The following NT5C variants were observed in gnomAD, a reference collection of about 807,000 sequenced individuals.
NT5C encodes 5', 3'-nucleotidase, cytosolic.
A neutral mutation model predicts 17.6 loss-of-function variants in NT5C; 14 were observed. The observed-to-expected ratio is 0.79, with a 90% confidence interval of 0.52 to 1.24. The LOEUF (loss-of-function observed/expected upper bound fraction) is 1.24. Ranked by LOEUF, NT5C falls within the 50% of genes most tolerant of loss-of-function variation. NT5C has a pLI of 0.00. For synonymous variants in NT5C, 153 were observed against 119.2 expected, an observed-to-expected ratio of 1.28 and a Z score of -1.85; for missense variants, 328 against 278.3, an observed-to-expected ratio of 1.18 and a Z score of -1.27.
Position 75,130,495 on chromosome 17 carries a change from C to G in NT5C, c.599G>C (p.Arg200Pro), listed in dbSNP as rs748695335. ...TGCCCGCGGCATCCCCGCTCATTCC[C>G]GCTGCGCAGCTCCGCGCTTGCTATC... The part of the protein sequence containing the change: ...ILDSKRGAAQ[R>P]E Residue 200 changes from arginine (R) to proline (P), a missense_variant, in exon 5 of 5, where the codon CGG becomes CCG. Physicochemically the swap from Arg to Pro is moderately radical, Grantham distance 103. Coordinates refer to ENST00000245552, the MANE Select transcript of NT5C (RefSeq NM_014595.3). 17 of 1,613,902 alleles carry G rather than the reference C, an allele frequency of 1.1e-5. No individual in the cohort carries two copies. The highest frequency in any genetic ancestry group is 1.4e-5 in the Non-Finnish European group (17 of 1,179,974).
intron 1 of NT5C, 27 bp from the exon 2 acceptor site, chr17:75,131,308 G>A: frequency 1.9e-6 from 3 of 1,607,820 alleles, no homozygotes; most frequent in Non-Finnish European, 2.6e-6. Flanking sequence ...CTGGGTCCCG[G>A]CTTCCCGTTC....
intron 3 of NT5C, 57 bp from the exon 4 acceptor site, chr17:75,130,924 A>G: frequency 4.3e-6 from 7 of 1,612,986 alleles, no homozygotes; most frequent in East Asian, 4.5e-5. Context: ...ATTCAGGGAT[A>G]GGGACTTGGC....
rs970607988 is a variant in NT5C, at chr17:75,131,334, G to A, written c.175-53C>T. 1.2e-5 allele frequency: 19 copies of A among 1,583,072 alleles called. No homozygotes were observed. In the East Asian group the frequency reaches 3.9e-4, roughly 32 times the overall value. ...CTTCCCGTTCCCGCGAGGACCCGCA[G>A]GGAGGCTCCTGGGGGCTCCGGGCCC... On this transcript the variant is annotated intron_variant, in intron 1 of 4. Transcript: ENST00000245552.
At chr17:75,130,939 A>G in intron 3 of NT5C, 72 bp from the exon 4 acceptor site, 1 of 1,608,626 alleles carries the variant, frequency 6.2e-7, no homozygotes, top group Non-Finnish European at 8.5e-7. Flanking sequence ...CTTGGCTCTA[A>G]GCCCTTGAGA....
intron 2 of NT5C, 30 bp from the exon 3 acceptor site, chr17:75,131,135 A>G (rs1401457966): frequency 2.5e-6 from 4 of 1,612,550 alleles, no homozygotes; most frequent in Non-Finnish European, 3.4e-6. Flanking sequence ...TACCGCCGGG[A>G]GCCAGGAGCC....
At position 75,130,372 on chromosome 17, in the gene NT5C, TGCTCCACTCCACGGGGCCAGAG is replaced by T; in HGVS notation, c.*94_*115del. 1 of 1,325,696 alleles carries T rather than the reference TGCTCCACTCCACGGGGCCAGAG, an allele frequency of 7.5e-7. No individual in the cohort carries two copies. The highest frequency in any genetic ancestry group is 1.0e-6 in the Non-Finnish European group (1 of 953,874). 82.1% of individuals were successfully genotyped at this position (1,325,696 alleles called of 1,614,324 possible). A position where few individuals can be genotyped will look rare whatever the true frequency, so the allele number is the denominator to read the frequency against. The stretch of plus-strand genomic sequence containing the variant: ...AGCACAGCGCTTAACGGTATCTGCC[TGCTCCACTCCACGGGGCCAGAG>T]GCACCAGCACGATGCCGCCCCGACT... On this transcript the variant is annotated 3_prime_UTR_variant, in exon 5 of 5. Transcript: ENST00000245552.
intron 1 of NT5C, 49 bp from the exon 2 acceptor site, chr17:75,131,330 C>G (rs755430577): frequency 7.6e-6 from 12 of 1,584,208 alleles, no homozygotes; most frequent in Non-Finnish European, 9.5e-6. Context: ...CGCGAGGACC[C>G]GCAGGGAGGC....
At position 75,131,180 on chromosome 17, in the gene NT5C, C is replaced by T. The variant is rs1403324740; in HGVS notation, c.275+1G>A. ...CTCCGCCCGCCCCCCTCTCTCCTTA[C>T]TCCGGTAGGTCGTTCATCTCCCGCA... On this transcript the variant is annotated splice_donor_variant, in intron 2 of 4. Coordinates refer to ENST00000245552, the MANE Select transcript of NT5C (RefSeq NM_014595.3). LOFTEE classifies it high-confidence loss of function. 3.8e-5 allele frequency: 61 copies of T among 1,613,526 alleles called. No individual in the cohort carries two copies. The highest frequency in any genetic ancestry group is 5.1e-5 in the Non-Finnish European group (60 of 1,179,978).
Position 75,130,451 on chromosome 17 carries a change from T to C in NT5C, c.*37A>G, listed in dbSNP as rs2074097725. The stretch of plus-strand genomic sequence containing the variant: ...TGCGGTGGCCCCTGTGGGCCTGCCC[T>C]TCCTTTAGCTCCAGCTGCTGCCCGC... On this transcript the variant is annotated 3_prime_UTR_variant, in exon 5 of 5. Coordinates refer to ENST00000245552, the MANE Select transcript of NT5C (RefSeq NM_014595.3). 6.2e-7 allele frequency: 1 copy of C among 1,609,936 alleles called. No homozygotes were observed.
chr17:75,131,186 T>C lies in NT5C; in HGVS notation c.270A>G (p.Leu90=). The C allele has an allele frequency of 6.2e-7, 1 of 1,613,468 alleles. No individual in the cohort carries two copies. The highest frequency in any genetic ancestry group is 1.1e-5 in the South Asian group (1 of 91,062). Residue 90 remains leucine, a synonymous_variant, in exon 2 of 5, where the codon CTA becomes CTG. Coordinates refer to ENST00000245552, the MANE Select transcript of NT5C (RefSeq NM_014595.3). ...CCGCCCCCCTCTCTCCTTACTCCGG[T>C]AGGTCGTTCATCTCCCGCACAGCGT... ...ALDAVREMND[L]PDTQVFICTS...
Position 75,131,715 on chromosome 17 carries a change from G to C in NT5C, c.-8C>G. 6 of 1,274,626 alleles carry C rather than the reference G, an allele frequency of 4.7e-6. No homozygotes were observed. Among genetic ancestry groups the C allele is most frequent in the Non-Finnish European group, 5.9e-6 (6 of 1,011,246 alleles). The allele number at this position is 1,274,626 out of a possible 1,614,324, so 79.0% of individuals were successfully genotyped here. ...GCGCACGCTCCGCGCCATCGCCGCC[G>C]GGCCGGAGCTGCGAGCTCTCGGGGT... On this transcript the variant is annotated 5_prime_UTR_variant, in exon 1 of 5. Transcript: ENST00000245552.
rs759024704 is a variant in NT5C at position 75,131,072 on chromosome 17, C to T, written c.309G>A (p.Leu103=). The change falls in exon 3 of 5, where the codon CTG becomes CTA. Residue 103 remains leucine, a synonymous_variant. Transcript: ENST00000245552. The stretch of plus-strand genomic sequence containing the variant: ...TCTCACCCACACAGTGGTGGTACTT[C>T]AGCAGGGGGCTGGTGCAGATGAAGA... ...TQVFICTSPL[L]KYHHCVGEKY... is the part of the protein sequence containing the mutation. 8.8e-5 allele frequency: 142 copies of T among 1,612,986 alleles called. No homozygotes were observed. The Admixed American group carries it at 2.4e-3, about 27-fold the overall frequency.
rs752498533 is a variant in NT5C, at chr17:75,131,293, GA to G, written c.175-13del. On this transcript the variant is annotated splice_polypyrimidine_tract_variant and intron_variant, in intron 1 of 4. Transcript: ENST00000245552. Reference sequence around the variant, plus strand: ...CTGGCCACTTTATCCTGAAAGACAAGAGTTCTGGGTCCCGGCTTCCCGTTCC... The same window carrying G: ...CTGGCCACTTTATCCTGAAAGACAAGGTTCTGGGTCCCGGCTTCCCGTTCC... 6.2e-7 allele frequency: 1 copy of G among 1,612,844 alleles called. No individual in the cohort carries two copies. Among genetic ancestry groups the G allele is most frequent in the South Asian group, 1.1e-5 (1 of 91,020 alleles).
chr17:75,131,341 TC>T, intron 1 of NT5C, 60 bp from the exon 2 acceptor site: 1 of 1,547,096 alleles, frequency 6.5e-7, no homozygotes, highest in African/African-American at 1.4e-5. Flanking sequence ...GCAGGGAGGC[TC>T]CTGGGGGCTC....
chr17:75,130,337 G>A lies in NT5C; in HGVS notation c.*151C>T, dbSNP rs2074095917. On this transcript the variant is annotated 3_prime_UTR_variant, in exon 5 of 5. Transcript: ENST00000245552. ...CGGGAGGTACCGGGTGGCTGGGCCT[G>A]GGGCCCGGTAGCACAGCGCTTAACG... 1.0e-6 allele frequency: 1 copy of A among 998,696 alleles called. No homozygotes were observed. The highest frequency in any genetic ancestry group is 2.5e-5 in the East Asian group (1 of 40,782). The allele number at this position is 998,696 out of a possible 1,614,324, so 61.9% of individuals were successfully genotyped here.
rs201950958 is a variant in NT5C at position 75,131,663 on chromosome 17, C to T, written c.45G>A (p.Leu15=). ...GCAGGAGGCCGGCCTCGAAGTCGGC[C>T]AGGACGCCGTCCATGTCCACCAGCA... The part of the protein sequence containing the change: ...VRVLVDMDGV[L]ADFEAGLLRG... Residue 15 remains leucine, a synonymous_variant, in exon 1 of 5, where the codon CTG becomes CTA. Transcript: ENST00000245552. The T allele has an allele frequency of 2.3e-3, 3,126 of 1,342,134 alleles. 7 individuals carry two copies. Among genetic ancestry groups the T allele is most frequent in the Non-Finnish European group, 2.6e-3 (2,688 of 1,051,318 alleles). 83.1% of individuals were successfully genotyped at this position (1,342,134 alleles called of 1,614,324 possible). A position where few individuals can be genotyped will look rare whatever the true frequency, so the allele number is the denominator to read the frequency against.
Position 75,130,684 on chromosome 17 carries a change from A to T in NT5C, c.452-42T>A, listed in dbSNP as rs774240453. ...CAGCGCGCTGCCATCTGTCATGGGT[A>T]TTATTACTCCCTCTCCCTAATCCGG... is the stretch of plus-strand genomic sequence containing the variant. On this transcript the variant is annotated intron_variant, in intron 4 of 4. Transcript: ENST00000245552. 5 of 1,613,834 alleles carry T rather than the reference A, an allele frequency of 3.1e-6. No individual in the cohort carries two copies. In the East Asian group the frequency reaches 1.1e-4, roughly 36 times the overall value.
In NT5C at chr17:75,130,832, G is replaced by C; in HGVS notation, c.372C>G (p.Phe124Leu). ...RWVEQHLGPQ[F>L]VERIILTRDK... ...CCCTTGTCAGGATAATTCGTTCTAC[G>C]AACTGGGGCCCCAGGTGCTGCTCCA... The change falls in exon 4 of 5, where the codon TTC becomes TTG. Residue 124 changes from phenylalanine to leucine, a missense_variant. Coordinates refer to ENST00000245552, the MANE Select transcript of NT5C (RefSeq NM_014595.3). The C allele has an allele frequency of 1.9e-6, 3 of 1,614,114 alleles. No individual in the cohort carries two copies. The highest frequency in any genetic ancestry group is 2.5e-6 in the Non-Finnish European group (3 of 1,180,012).
chr17:75,131,505 T>A (rs1481406858), intron 1 of NT5C, 29 bp downstream of exon 1: 1 of 1,427,464 alleles, frequency 7.0e-7, no homozygotes, highest in Non-Finnish European at 9.1e-7. Context: ...GAGCGGGCCC[T>A]GCCCGGGTGG....
Sources: gnomAD v4.1 joint callset for allele counts on GRCh38, gnomAD v4.1.1 for gene constraint, MANE v1.5 for transcripts, NCBI Gene and HGNC (gene_info 2026-07-23, HGNC 2026-07-21) for gene names.